Variants in ITGA1 observed in about 807,000 individuals in gnomAD.
ITGA1 encodes the protein integrin subunit alpha 1.
ITGA1 carries 85 observed loss-of-function variants against 145.9 expected under a neutral mutation model. The ratio of observed to expected loss-of-function variants is 0.58; its 90% confidence interval spans 0.49 to 0.70. ITGA1 has a LOEUF of 0.70. ITGA1 is among the 30% of genes least tolerant of loss of function. The pLI, the probability that ITGA1 is intolerant of heterozygous loss-of-function variation, is 0.00. For synonymous variants in ITGA1, 520 were observed against 495.3 expected (o/e 1.05, Z -0.66); for missense variants, 1,351 against 1,418.7 (o/e 0.95, Z 0.77).
chr5:52,891,266 T>TTC (rs1750143547), intron 8 of ITGA1, among the ~76,000 whole-genome samples: 1 of 151,292 alleles, frequency 6.6e-6, no homozygotes, highest in South Asian at 2.1e-4. Flanking sequence ...TTTTTTCTTT[T>TTC]TTTTTTTTCA....
intron 7 of ITGA1, among the ~76,000 whole-genome samples, chr5:52,886,523 C>A (rs530551251): frequency 4.6e-5 from 7 of 152,252 alleles, no homozygotes; most frequent in African/African-American, 1.4e-4. Context: ...CCATTCAGTA[C>A]AATGATTGCT....
chr5:52,861,869 CAAAAA>C (rs11335171), intron 3 of ITGA1, among the ~76,000 whole-genome samples: 4 of 119,344 alleles, frequency 3.4e-5, no homozygotes, highest in Admixed American at 8.6e-5. Context: ...GACCCTGTCT[CAAAAA>C]AAAAAAAAAA....
intron 23 of ITGA1, among the ~76,000 whole-genome samples, chr5:52,937,048 T>TAAA (rs3841535): frequency 8.2e-6 from 1 of 121,812 alleles, no homozygotes; most frequent in Admixed American, 8.5e-5. Context: ...ACTGGTATGT[T>TAAA]AAAAAAAAAA....
intron 1 of ITGA1, among the ~76,000 whole-genome samples, chr5:52,842,696 T>C (rs1561224653): frequency 6.6e-6 from 1 of 151,150 alleles, no homozygotes. Flanking sequence ...TCTTTTTTTT[T>C]TTTTTTTGAG....
intron 18 of ITGA1, among the ~76,000 whole-genome samples, chr5:52,924,607 A>G (rs1750775851): frequency 6.6e-6 from 1 of 152,236 alleles, no homozygotes; most frequent in Non-Finnish European, 1.5e-5. Flanking sequence ...TGGTTCAGCC[A>G]CACGACAGGA....
intron 14 of ITGA1, among the ~76,000 whole-genome samples, chr5:52,912,979 T>C (rs1240626949): frequency 1.3e-5 from 2 of 151,920 alleles, no homozygotes; most frequent in Non-Finnish European, 2.9e-5. Flanking sequence ...ATCTCCTGAC[T>C]TCGTGATCCG....
chr5:52,911,449 A>T (rs1750527225), intron 14 of ITGA1, among the ~76,000 whole-genome samples: 1 of 132,924 alleles, frequency 7.5e-6, no homozygotes, highest in Non-Finnish European at 1.6e-5. Flanking sequence ...GTATAGATAC[A>T]CTATATATAG....
Position 52,925,506 on chromosome 5 carries a change from A to T in ITGA1, c.2613+19A>T. The T allele has an allele frequency of 1.3e-6, 2 of 1,561,050 alleles. No homozygotes were observed. Among genetic ancestry groups the T allele is most frequent in the Non-Finnish European group, 1.8e-6 (2 of 1,132,190 alleles). On this transcript the variant is annotated intron_variant, in intron 19 of 28. Transcript: ENST00000282588. ...AATTGAGGTAAACTTCCAGTTTTTC[A>T]TTTATTTGTTCTCTTAACATCATTT...
intron 16 of ITGA1, among the ~76,000 whole-genome samples, chr5:52,919,879 A>G (rs1422546929): frequency 2.0e-5 from 3 of 152,130 alleles, no homozygotes; most frequent in Admixed American, 2.0e-4. Context: ...ATGTCATTTT[A>G]TATATAAATA....
intron 8 of ITGA1, among the ~76,000 whole-genome samples, 166 bp downstream of exon 8, chr5:52,888,131 C>T (rs1750083923): frequency 6.6e-6 from 1 of 151,914 alleles, no homozygotes; most frequent in Admixed American, 6.6e-5. Context: ...CCCTCTGGGT[C>T]CTTAGTACCC....
rs532455531 is a variant in ITGA1 at position 52,910,235 on chromosome 5, G to A, written c.1673G>A (p.Cys558Tyr). 11 of 1,613,970 alleles carry A rather than the reference G, an allele frequency of 6.8e-6. No individual in the cohort carries two copies. The highest frequency in any genetic ancestry group is 5.0e-5 in the Admixed American group (3 of 59,998). Residue 558 changes from cysteine to tyrosine, a missense_variant, in exon 14 of 29, where the codon TGC becomes TAC. Cys to Tyr is a radical substitution (Grantham distance 194). Coordinates refer to ENST00000282588, the MANE Select transcript of ITGA1 (RefSeq NM_181501.2). The stretch of plus-strand genomic sequence containing the variant: ...TGTTCATCTCGGCAGCACAATTCAT[G>A]CACAACAGAAAACAAAAATGAGCCA... Reference protein sequence around the residue: ...TCCSSRQHNSCTTENKNEPCG... With the variant: ...TCCSSRQHNSYTTENKNEPCG...
At chr5:52,795,204 A>G (rs970305815) in intron 1 of ITGA1, among the ~76,000 whole-genome samples, 1 of 151,970 alleles carries the variant, frequency 6.6e-6, no homozygotes, top group Non-Finnish European at 1.5e-5. Flanking sequence ...GCTGTGTTCC[A>G]GGAGAACAAA....
At chr5:52,790,277 C>T (rs1391750094) in intron 1 of ITGA1, among the ~76,000 whole-genome samples, 1 of 152,130 alleles carries the variant, frequency 6.6e-6, no homozygotes, top group Non-Finnish European at 1.5e-5. Flanking sequence ...TTCTTTGTTG[C>T]CTTTAAGATA....
chr5:52,944,194 A>C (rs1462614966), intron 26 of ITGA1, among the ~76,000 whole-genome samples: 14 of 152,138 alleles, frequency 9.2e-5, no homozygotes, highest in Admixed American at 9.2e-4. Context: ...GCTCCATGCT[A>C]GCTGAAGCCC....
intron 6 of ITGA1, among the ~76,000 whole-genome samples, chr5:52,873,103 A>G (rs1336098972): frequency 6.6e-6 from 1 of 151,770 alleles, no homozygotes; most frequent in Non-Finnish European, 1.5e-5. Flanking sequence ...GAGTTTTTGA[A>G]TTTTCACCTT....
intron 1 of ITGA1, among the ~76,000 whole-genome samples, chr5:52,831,947 G>T (rs1453407597): frequency 1.3e-5 from 2 of 152,086 alleles, no homozygotes; most frequent in Non-Finnish European, 2.9e-5. Context: ...AAAACAATGA[G>T]TCATGTCTTT....
intron 1 of ITGA1, among the ~76,000 whole-genome samples, chr5:52,827,117 G>A (rs1299817216): frequency 6.9e-6 from 1 of 145,584 alleles, no homozygotes; most frequent in Non-Finnish European, 1.5e-5. Context: ...TTTGGTTTAT[G>A]GGAGGAGGTC....
intron 8 of ITGA1, among the ~76,000 whole-genome samples, chr5:52,888,297 A>G (rs1410275058): frequency 6.6e-6 from 1 of 152,046 alleles, no homozygotes; most frequent in Admixed American, 6.6e-5. Flanking sequence ...AGAAGAGGAA[A>G]AGAAGAGGAG....
Position 52,905,766 on chromosome 5 carries a change from A to G in ITGA1, c.1313A>G (p.Tyr438Cys), listed in dbSNP as rs1393816946. Residue 438 changes from tyrosine (Y) to cysteine (C), a missense_variant, in exon 12 of 29, where the codon TAC (tyrosine) becomes TGC (cysteine). Coordinates refer to ENST00000282588, the MANE Select transcript of ITGA1 (RefSeq NM_181501.2). ...CCTGGAATCTTTCTTTTGTTAGGTT[A>G]CACTGTAAACTCTGCTACTGCTTCT... ...KNEPLASYLG[Y>C]TVNSATASSG... The G allele has an allele frequency of 6.2e-7, 1 of 1,612,448 alleles. No individual in the cohort carries two copies. Among genetic ancestry groups the G allele is most frequent in the African/African-American group, 1.3e-5 (1 of 74,890 alleles).
Sources: allele counts gnomAD v4.1 joint callset (sites outside exome capture counted in the v4.1 genomes callset), GRCh38; gene constraint gnomAD v4.1.1; transcripts MANE v1.5; gene names NCBI Gene and HGNC (gene_info 2026-07-23, HGNC 2026-07-21).